MYBL1: variants seen among roughly 807,000 people sequenced by gnomAD.
MYBL1 encodes the protein myb-related protein A.
Under a neutral mutation model 96.3 loss-of-function variants are expected in MYBL1, and 17 were observed. That is an observed-to-expected ratio of 0.18 (90% CI 0.12 to 0.26). The LOEUF (loss-of-function observed/expected upper bound fraction) is 0.26, where lower values mean the gene tolerates loss of function less well. Ranked by LOEUF, MYBL1 falls within the 10% of genes least tolerant of loss-of-function variation. The pLI, the probability that MYBL1 is intolerant of heterozygous loss-of-function variation, is 1.00. For synonymous variants in MYBL1, 282 were observed against 292.7 expected (o/e 0.96, Z 0.37); for missense variants, 701 against 882.9 (o/e 0.79, Z 2.61).
chr8:66,576,844 T>C (rs1245352721), intron 9 of MYBL1, among the ~76,000 whole-genome samples: 3 of 152,106 alleles, frequency 2.0e-5, no homozygotes, highest in Non-Finnish European at 2.9e-5. Flanking sequence ...ATGTTATCTG[T>C]AGTACTGAAA....
chr8:66,567,939 C>T (rs1051904207), intron 12 of MYBL1, among the ~76,000 whole-genome samples: 1 of 148,874 alleles, frequency 6.7e-6, no homozygotes, highest in African/African-American at 2.5e-5. Context: ...GTGTGCACCC[C>T]GGGAGGCTGA....
In MYBL1 at chr8:66,566,864, C is replaced by A; in HGVS notation, c.1845+12G>T. 1 of 1,596,446 alleles carries A rather than the reference C, an allele frequency of 6.3e-7. No homozygotes were observed. The highest frequency in any genetic ancestry group is 8.6e-7 in the Non-Finnish European group (1 of 1,164,846). On this transcript the variant is annotated intron_variant, in intron 13 of 15. Coordinates refer to ENST00000522677, the MANE Select transcript of MYBL1 (RefSeq NM_001080416.4). ...AATAAGACTTTTATTAACAATAATA[C>A]TAGAAGATTACCTCTTGTTTGCAGC... is the stretch of plus-strand genomic sequence containing the variant.
rs1339378233 is a variant in MYBL1 at position 66,564,300 on chromosome 8, T to C, written c.*397A>G. The C allele has an allele frequency of 6.5e-6, 1 of 152,926 alleles. No individual in the cohort carries two copies. Among genetic ancestry groups the C allele is most frequent in the Non-Finnish European group, 1.5e-5 (1 of 68,220 alleles). 9.5% of individuals were successfully genotyped at this position (152,926 alleles called of 1,614,324 possible). On this transcript the variant is annotated 3_prime_UTR_variant, in exon 16 of 16. Transcript: ENST00000522677. The stretch of plus-strand genomic sequence containing the variant: ...GGCAAAAGTACTTCATAAAATCATG[T>C]GTGCTTTCCATACATAGACTAATTT...
At chr8:66,612,784 C>G (rs570752710) in intron 1 of MYBL1, 35 bp downstream of exon 1, 2 of 1,349,028 alleles carry the variant, frequency 1.5e-6, no homozygotes, top group South Asian at 4.6e-5. Context: ...GCCGAGACGG[C>G]GCCGACAGGC....
chr8:66,572,416 TA>T, intron 12 of MYBL1, 65 bp downstream of exon 12: 1 of 720,672 alleles, frequency 1.4e-6, no homozygotes, highest in Middle Eastern at 4.1e-4. Context: ...ATCAAAGTGA[TA>T]AAAATCATAA....
intron 1 of MYBL1, chr8:66,612,435 A>G (rs1055050694): frequency 4.0e-6 from 1 of 247,364 alleles, no homozygotes; most frequent in African/African-American, 2.2e-5. Flanking sequence ...GAGTCGCCCG[A>G]ACACCATTTT....
At chr8:66,605,408 G>C (rs1810273065) in intron 1 of MYBL1, among the ~76,000 whole-genome samples, 1 of 152,052 alleles carries the variant, frequency 6.6e-6, no homozygotes. Flanking sequence ...GATGACCCAA[G>C]GAAAATTAAT....
chr8:66,590,189 C>A (rs887598059), intron 8 of MYBL1, among the ~76,000 whole-genome samples: 1 of 152,148 alleles, frequency 6.6e-6, no homozygotes, highest in Non-Finnish European at 1.5e-5. Context: ...ATAAAGACAT[C>A]ACCAGTTGCC....
intron 4 of MYBL1, 122 bp downstream of exon 4, chr8:66,598,928 G>T: frequency 2.0e-6 from 1 of 508,018 alleles, no homozygotes; most frequent in Non-Finnish European, 3.1e-6. Flanking sequence ...TCTTATGCAA[G>T]TAGCCTCCGG....
intron 4 of MYBL1, among the ~76,000 whole-genome samples, chr8:66,597,949 C>T (rs1355428255): frequency 6.7e-6 from 1 of 148,184 alleles, no homozygotes; most frequent in Non-Finnish European, 1.5e-5. Flanking sequence ...GTTGTCATTT[C>T]TTCCTTTCTC....
At chr8:66,604,758 AAAAG>A (rs1219598276) in intron 1 of MYBL1, among the ~76,000 whole-genome samples, 22 of 152,220 alleles carry the variant, frequency 1.4e-4, no homozygotes, top group Non-Finnish European at 2.8e-4. Flanking sequence ...TAAAAAGTAG[AAAAG>A]AAAGGATTTT....
chr8:66,567,282 A>G (rs1028885635), intron 12 of MYBL1, among the ~76,000 whole-genome samples: 11 of 152,218 alleles, frequency 7.2e-5, no homozygotes, highest in African/African-American at 2.4e-4. Flanking sequence ...AATTAAACAG[A>G]AAAGAAAGAT....
intron 8 of MYBL1, among the ~76,000 whole-genome samples, chr8:66,589,318 CT>C (rs201161062): frequency 1.9e-3 from 265 of 141,390 alleles, no homozygotes; most frequent in Non-Finnish European, 2.0e-3. Flanking sequence ...TTCTTTGTGG[CT>C]TTTTTTTTTT....
chr8:66,596,071 A>T (rs1480765687), intron 5 of MYBL1, among the ~76,000 whole-genome samples: 2 of 152,190 alleles, frequency 1.3e-5, no homozygotes, highest in East Asian at 1.9e-4. Context: ...AAGGAAGAAT[A>T]GAAAAACAAA....
In MYBL1 at chr8:66,563,254, A is replaced by G. The variant is rs149207980; in HGVS notation, c.*1443T>C. On this transcript the variant is annotated 3_prime_UTR_variant, in exon 16 of 16. Coordinates refer to ENST00000522677, the MANE Select transcript of MYBL1 (RefSeq NM_001080416.4). ...CAGCAAGCCGATTCTGCTATTTTCT[A>G]TAGCAGCATACTTCAGGAGTGGAGA... 1 of 152,648 alleles carries G rather than the reference A, an allele frequency of 6.6e-6. No homozygotes were observed. Among genetic ancestry groups the G allele is most frequent in the East Asian group, 1.9e-4 (1 of 5,176 alleles). 9.5% of individuals were successfully genotyped at this position (152,648 alleles called of 1,614,324 possible).
chr8:66,590,772 A>G (rs1809607059), intron 8 of MYBL1, among the ~76,000 whole-genome samples: 1 of 152,166 alleles, frequency 6.6e-6, no homozygotes, highest in African/African-American at 2.4e-5. Flanking sequence ...GAAGGGTAGG[A>G]TGAAGGGAGG....
chr8:66,607,138 A>C (rs59131211), intron 1 of MYBL1, among the ~76,000 whole-genome samples: 88,325 of 148,418 alleles, frequency 0.6, 26,486 homozygotes, highest in African/African-American at 0.72. Context: ...ACAAAAAAAA[A>C]AAAAAAAAAA....
At chr8:66,586,565 C>T (rs943488611) in intron 8 of MYBL1, among the ~76,000 whole-genome samples, 5 of 152,084 alleles carry the variant, frequency 3.3e-5, no homozygotes, top group Admixed American at 3.3e-4. Flanking sequence ...GAAAGGGGAA[C>T]TCTACTGTTG....
intron 9 of MYBL1, among the ~76,000 whole-genome samples, chr8:66,578,674 G>A (rs1216769000): frequency 1.3e-5 from 2 of 152,168 alleles, no homozygotes; most frequent in South Asian, 2.1e-4. Flanking sequence ...TCAGTGTGGC[G>A]ATTCCTCAGG....
Sources: allele counts gnomAD v4.1 joint callset (sites outside exome capture counted in the v4.1 genomes callset), GRCh38; gene constraint gnomAD v4.1.1; transcripts MANE v1.5; gene names NCBI Gene and HGNC (gene_info 2026-07-23, HGNC 2026-07-21).